PPP1R42: variants seen among roughly 807,000 people sequenced by gnomAD.
PPP1R42 encodes the protein protein phosphatase 1 regulatory subunit 42, also known as leucine rich repeat containing 67.
A neutral mutation model predicts 31.0 loss-of-function variants in PPP1R42; 34 were observed. That is an observed-to-expected ratio of 1.10 (90% CI 0.83 to 1.46). PPP1R42 has a LOEUF of 1.46. Ranked by LOEUF, PPP1R42 falls within the 40% of genes most tolerant of loss-of-function variation. The pLI is 0.00. For synonymous variants in PPP1R42, 103 were observed against 109.8 expected, an observed-to-expected ratio of 0.94 and a Z score of 0.39; for missense variants, 268 against 303.0, an observed-to-expected ratio of 0.88 and a Z score of 0.86.
chr8:67,006,293 TATCTTATTTAATTCCTTC>T (rs1815671217), intron 5 of PPP1R42, among the ~76,000 whole-genome samples: 2 of 152,198 alleles, frequency 1.3e-5, no homozygotes, highest in Non-Finnish European at 2.9e-5. Flanking sequence ...TTTTTTCTGT[TATCTTATTTAATTCCTTC>T]ATAGCACTTT....
rs1815091519 is a variant in PPP1R42 at position 66,988,395 on chromosome 8, T to C, written c.670+5A>G. 2.7e-6 allele frequency: 4 copies of C among 1,485,542 alleles called. No homozygotes were observed. Among genetic ancestry groups the C allele is most frequent in the Non-Finnish European group, 2.7e-6 (3 of 1,117,740 alleles). The allele number at this position is 1,485,542 out of a possible 1,614,324, so 92.0% of individuals were successfully genotyped here. A position where few individuals can be genotyped will look rare whatever the true frequency, so the allele number is the denominator to read the frequency against. On this transcript the variant is annotated splice_donor_5th_base_variant and intron_variant, in intron 6 of 7. Coordinates refer to ENST00000685739, the MANE Select transcript of PPP1R42 (RefSeq NM_001364910.1). The stretch of plus-strand genomic sequence containing the variant: ...CTTAAAAATTATATTAATATAAATA[T>C]GTACCCAGTGATTTGGACACCAATA...
At chr8:66,997,614 A>G (rs1267009712) in intron 5 of PPP1R42, among the ~76,000 whole-genome samples, 1 of 147,264 alleles carries the variant, frequency 6.8e-6, no homozygotes, top group African/African-American at 2.5e-5. Flanking sequence ...TGGCACAATC[A>G]TGGCCCAATG....
At chr8:66,971,284 G>A (rs764434335) in intron 7 of PPP1R42, 21 of 532,204 alleles carry the variant, frequency 3.9e-5, no homozygotes, top group Non-Finnish European at 5.3e-5. Context: ...TTAATAACCC[G>A]AGGAAAAAAT....
intron 7 of PPP1R42, among the ~76,000 whole-genome samples, chr8:66,966,544 G>A (rs1814385128): frequency 6.6e-6 from 1 of 152,188 alleles, no homozygotes; most frequent in African/African-American, 2.4e-5. Context: ...CCCCCACTTT[G>A]GGAGGCCGAG....
Position 67,017,249 on chromosome 8 carries a change from G to A in PPP1R42, c.129+370C>T, listed in dbSNP as rs570235976. Among the ~76,000 whole-genome samples, 19 of 152,208 alleles carry A rather than the reference G, an allele frequency of 1.2e-4. No individual in the cohort carries two copies. In the South Asian group the frequency reaches 3.3e-3, roughly 27 times the overall value. On this transcript the variant is annotated intron_variant, in intron 2 of 7. Coordinates refer to ENST00000685739, the MANE Select transcript of PPP1R42 (RefSeq NM_001364910.1). ...AGCACTTTGGAAGGCCAAGGCAGGC[G>A]GATCACTTCTTGAGCTCAGAAGTCT...
Position 67,017,731 on chromosome 8 carries a change from A to C in PPP1R42, c.17T>G (p.Leu6Trp). 6.3e-7 allele frequency: 1 copy of C among 1,591,732 alleles called. No homozygotes were observed. Among genetic ancestry groups the C allele is most frequent in the Non-Finnish European group, 8.5e-7 (1 of 1,170,220 alleles). ...ATTGCTGTTTCTGGCAATTAGATCC[A>C]AGGTCAGTCGAACCATAATTTCTTT... MVRLT[L>W]DLIARNSNLK... The change falls in exon 2 of 8, where the codon TTG becomes TGG. Residue 6 changes from leucine to tryptophan, a missense_variant. Leu to Trp is a moderately conservative substitution (Grantham distance 61). Transcript: ENST00000685739.
intron 1 of PPP1R42, among the ~76,000 whole-genome samples, chr8:67,023,171 C>T (rs1257893699): frequency 7.6e-6 from 1 of 131,886 alleles, no homozygotes; most frequent in African/African-American, 3.7e-5. Context: ...TGTACAGTGG[C>T]CTGATCTCGA....
intron 7 of PPP1R42, among the ~76,000 whole-genome samples, chr8:66,966,863 C>A (rs1814396350): frequency 6.6e-6 from 1 of 152,096 alleles, no homozygotes; most frequent in Non-Finnish European, 1.5e-5. Context: ...TAATATAATT[C>A]TTTTGAATTA....
In PPP1R42 at chr8:67,008,967, T is replaced by A. The variant is rs142658785; in HGVS notation, c.552+1748A>T. 4.6e-3 allele frequency among the ~76,000 whole-genome samples: 695 copies of A among 152,226 alleles called. 5 individuals carry two copies. The highest frequency in any genetic ancestry group is 6.3e-3 in the Non-Finnish European group (430 of 67,998). ...TTAAAAAGCATAATAGAATAACTCT[T>A]TAAAAGTAATGGCCGTTACCAGGCT... On this transcript the variant is annotated intron_variant, in intron 5 of 7. Transcript: ENST00000685739.
intron 7 of PPP1R42, among the ~76,000 whole-genome samples, chr8:66,977,805 C>T (rs369274146): frequency 1.9e-4 from 29 of 152,124 alleles, no homozygotes; most frequent in South Asian, 8.3e-4. Flanking sequence ...CTCGCTTGGC[C>T]GCTAATTTTA....
chr8:67,001,139 T>C (rs905139426), intron 5 of PPP1R42, among the ~76,000 whole-genome samples: 4 of 151,804 alleles, frequency 2.6e-5, no homozygotes, highest in East Asian at 1.9e-4. Context: ...ATTATTTGTG[T>C]TTGCAGTATA....
At chr8:66,980,754 T>C (rs952337911) in intron 7 of PPP1R42, among the ~76,000 whole-genome samples, 6 of 152,226 alleles carry the variant, frequency 3.9e-5, no homozygotes, top group Middle Eastern at 3.4e-3. Flanking sequence ...TAGTCAGTTG[T>C]AGAACAAGAA....
At chr8:66,987,287 C>CTTTTTT (rs71249412) in intron 6 of PPP1R42, among the ~76,000 whole-genome samples, 4 of 106,008 alleles carry the variant, frequency 3.8e-5, no homozygotes, top group African/African-American at 7.6e-5. Context: ...AGCAAATGAT[C>CTTTTTT]TTTTTTTTTT....
rs1299205780 is a variant in PPP1R42 at position 67,019,533 on chromosome 8, C to T, written c.-84-1702G>A. Among the ~76,000 whole-genome samples the T allele has an allele frequency of 3.3e-5, 5 of 151,872 alleles. No homozygotes were observed. The East Asian group carries it at 7.8e-4, about 24-fold the overall frequency. The stretch of plus-strand genomic sequence containing the variant: ...GATTACAGGCGTGAGCCATCGCGCC[C>T]GGCCTTATGAGCATCTTTTAAAGGA... On this transcript the variant is annotated intron_variant, in intron 1 of 7. Coordinates refer to ENST00000685739, the MANE Select transcript of PPP1R42 (RefSeq NM_001364910.1).
At chr8:66,984,099 G>A (rs1324548124) in intron 6 of PPP1R42, 3 of 1,556,058 alleles carry the variant, frequency 1.9e-6, no homozygotes, top group Non-Finnish European at 2.6e-6. Context: ...AAGAGACAAA[G>A]GCAAGAGGGG....
chr8:67,006,512 A>C (rs540800249), intron 5 of PPP1R42, among the ~76,000 whole-genome samples: 1 of 152,172 alleles, frequency 6.6e-6, no homozygotes, highest in African/African-American at 2.4e-5. Flanking sequence ...ATGCCATCAC[A>C]CGAAGCTAAT....
intron 5 of PPP1R42, among the ~76,000 whole-genome samples, chr8:67,005,103 C>CT (rs766691539): frequency 0.029 from 3,544 of 120,802 alleles, 84 homozygotes; most frequent in African/African-American, 0.063. Flanking sequence ...AATCCACCCA[C>CT]TTTTTTTTTT....
At chr8:66,984,100 G>C in intron 6 of PPP1R42, 1 of 1,557,624 alleles carries the variant, frequency 6.4e-7, no homozygotes. Flanking sequence ...AGAGACAAAG[G>C]CAAGAGGGGA....
In PPP1R42 at chr8:66,975,993, C is replaced by T. The variant is rs1458313334; in HGVS notation, c.802+6056G>A. On this transcript the variant is annotated intron_variant, in intron 7 of 7. Coordinates refer to ENST00000685739, the MANE Select transcript of PPP1R42 (RefSeq NM_001364910.1). ...GTCTGTGGCCTATTAGAAACTGGGC[C>T]GCATAGCAGAAGGTGAGTGGCAGGT... 2.6e-5 allele frequency among the ~76,000 whole-genome samples: 4 copies of T among 152,140 alleles called. No individual in the cohort carries two copies. The East Asian group carries it at 5.8e-4, about 22-fold the overall frequency.
Sources: gnomAD v4.1 joint callset for allele counts (sites outside exome capture counted in the v4.1 genomes callset) on GRCh38, gnomAD v4.1.1 for gene constraint, MANE v1.5 for transcripts, NCBI Gene and HGNC (gene_info 2026-07-23, HGNC 2026-07-21) for gene names.